Variants in LAMA2 observed in about 807,000 individuals in gnomAD.
The protein encoded by LAMA2 is laminin subunit alpha-2.
LAMA2 carries 269 observed loss-of-function variants against 364.8 expected under a neutral mutation model. The ratio of observed to expected loss-of-function variants is 0.74; its 90% confidence interval spans 0.67 to 0.82. The LOEUF is 0.82. Ranked by LOEUF, LAMA2 falls within the 40% of genes least tolerant of loss-of-function variation. LAMA2 has a pLI of 0.00. For missense variants in LAMA2, 3,807 were observed against 3,873.2 expected, an observed-to-expected ratio of 0.98 and a Z score of 0.45; for synonymous variants, 1,379 against 1,370.6, an observed-to-expected ratio of 1.01 and a Z score of -0.14.
intron 1 of LAMA2, among the ~76,000 whole-genome samples, chr6:129,004,413 A>G (rs1784304712): frequency 6.7e-6 from 1 of 149,814 alleles, no homozygotes; most frequent in Non-Finnish European, 1.5e-5. Context: ...TAATAAAAAA[A>G]AAAAAAAAAA....
intron 28 of LAMA2, among the ~76,000 whole-genome samples, chr6:129,321,319 G>A (rs1300658025): frequency 6.6e-6 from 1 of 152,114 alleles, no homozygotes; most frequent in Admixed American, 6.5e-5. Flanking sequence ...ATGAGAAACT[G>A]GCCTGGGTTT....
intron 1 of LAMA2, among the ~76,000 whole-genome samples, chr6:129,022,458 G>A (rs1785505613): frequency 6.6e-6 from 1 of 152,124 alleles, no homozygotes; most frequent in African/African-American, 2.4e-5. Context: ...TAAGTGCTCA[G>A]TGATATGCAT....
At chr6:129,262,373 A>G (rs1372410980) in intron 15 of LAMA2, among the ~76,000 whole-genome samples, 2 of 152,140 alleles carry the variant, frequency 1.3e-5, no homozygotes, top group East Asian at 3.9e-4. Context: ...ACATGCAATA[A>G]TCATTCAAAG....
intron 12 of LAMA2, among the ~76,000 whole-genome samples, chr6:129,237,781 CA>C (rs1785096315): frequency 6.6e-6 from 1 of 152,092 alleles, no homozygotes; most frequent in South Asian, 2.1e-4. Flanking sequence ...ACCACCAATG[CA>C]TGAGAGTACT....
chr6:128,933,512 T>C (rs6914675), intron 1 of LAMA2, among the ~76,000 whole-genome samples: 28,453 of 152,116 alleles, frequency 0.19, 4,296 homozygotes, highest in African/African-American at 0.42. Context: ...TTTTCCATAG[T>C]GGCTATGCCT....
Position 129,432,856 on chromosome 6 carries a change from C to A in LAMA2, c.5968+5002C>A, listed in dbSNP as rs1435481492. Among the ~76,000 whole-genome samples, 3 of 152,294 alleles carry A rather than the reference C, an allele frequency of 2.0e-5. No individual in the cohort carries two copies. In the East Asian group the frequency reaches 5.8e-4, roughly 29 times the overall value. ...TCCTGAATCTTTGCAGAACCTGCTA[C>A]CAGACAAGTACACCTTCCCTCCTTT... is the stretch of plus-strand genomic sequence containing the variant. On this transcript the variant is annotated intron_variant, in intron 41 of 64. Coordinates refer to ENST00000421865, the MANE Select transcript of LAMA2 (RefSeq NM_000426.4).
intron 3 of LAMA2, among the ~76,000 whole-genome samples, chr6:129,088,875 G>A (rs1035446131): frequency 1.4e-4 from 21 of 151,330 alleles, no homozygotes; most frequent in African/African-American, 4.1e-4. Flanking sequence ...GACGATGGGC[G>A]GCCAGGCAGA....
chr6:129,147,554 C>T (rs1418981235), intron 6 of LAMA2, among the ~76,000 whole-genome samples: 3 of 151,598 alleles, frequency 2.0e-5, no homozygotes, highest in Admixed American at 1.3e-4. Context: ...AGTGGCAAGC[C>T]GGAAAATGCC....
chr6:129,397,173 A>G (rs1779701090), intron 37 of LAMA2, among the ~76,000 whole-genome samples: 1 of 152,184 alleles, frequency 6.6e-6, no homozygotes. Flanking sequence ...AGTTAAAAGT[A>G]GAAATATAAT....
intron 1 of LAMA2, among the ~76,000 whole-genome samples, chr6:129,043,715 A>G (rs2114759727): frequency 6.6e-6 from 1 of 152,088 alleles, no homozygotes; most frequent in African/African-American, 2.4e-5. Flanking sequence ...GATGTCATGA[A>G]TAATAGCACA....
intron 1 of LAMA2, among the ~76,000 whole-genome samples, chr6:128,950,544 A>G (rs536594271): frequency 6.6e-6 from 1 of 152,264 alleles, no homozygotes; most frequent in Non-Finnish European, 1.5e-5. Flanking sequence ...TGCCCACGTC[A>G]GTGACAGATA....
intron 10 of LAMA2, among the ~76,000 whole-genome samples, chr6:129,184,588 T>C (rs1781120493): frequency 6.6e-6 from 1 of 151,808 alleles, no homozygotes; most frequent in South Asian, 2.1e-4. Context: ...TCAACAAGAA[T>C]CCTGTTAATT....
At chr6:128,920,821 T>A (rs1778661951) in intron 1 of LAMA2, among the ~76,000 whole-genome samples, 1 of 152,026 alleles carries the variant, frequency 6.6e-6, no homozygotes, top group Non-Finnish European at 1.5e-5. Flanking sequence ...GCTCTTGACT[T>A]TTTATGTTGA....
intron 56 of LAMA2, among the ~76,000 whole-genome samples, chr6:129,487,616 C>G (rs1293921026): frequency 6.6e-6 from 1 of 152,172 alleles, no homozygotes; most frequent in Admixed American, 6.5e-5. Flanking sequence ...CCTACATTTA[C>G]TAATTATCCT....
intron 12 of LAMA2, among the ~76,000 whole-genome samples, chr6:129,212,167 T>A (rs1245597687): frequency 6.6e-6 from 1 of 152,198 alleles, no homozygotes; most frequent in Non-Finnish European, 1.5e-5. Flanking sequence ...CGAAATAGTA[T>A]GCCAAATTCT....
intron 3 of LAMA2, among the ~76,000 whole-genome samples, chr6:129,070,222 G>A (rs537657673): frequency 3.5e-4 from 53 of 152,176 alleles, no homozygotes; most frequent in African/African-American, 1.2e-3. Flanking sequence ...ATAAAGTGAT[G>A]TGTTATAGGC....
chr6:129,250,397 A>G (rs1347308637), intron 13 of LAMA2, among the ~76,000 whole-genome samples, 184 bp downstream of exon 13: 1 of 152,132 alleles, frequency 6.6e-6, no homozygotes, highest in Non-Finnish European at 1.5e-5. Flanking sequence ...GATTGAGTAT[A>G]TTTGTTGGGT....
At chr6:128,988,919 G>T (rs918873507) in intron 1 of LAMA2, among the ~76,000 whole-genome samples, 1 of 152,050 alleles carries the variant, frequency 6.6e-6, no homozygotes, top group African/African-American at 2.4e-5. Context: ...GGACAGAATC[G>T]CTATTTTATA....
chr6:128,883,744 TC>T, intron 1 of LAMA2, among the ~76,000 whole-genome samples: 1 of 151,356 alleles, frequency 6.6e-6, no homozygotes, highest in African/African-American at 2.4e-5. Flanking sequence ...GTGTGGTTCA[TC>T]CTGGGACTTT....
Sources: allele counts gnomAD v4.1 joint callset (sites outside exome capture counted in the v4.1 genomes callset), GRCh38; gene constraint gnomAD v4.1.1; transcripts MANE v1.5; gene names NCBI Gene and HGNC (gene_info 2026-07-23, HGNC 2026-07-21).